The following DLEC1 variants were observed in gnomAD, a reference collection of about 807,000 sequenced individuals.
The protein encoded by DLEC1 is deleted in lung and esophageal cancer protein 1.
Under a neutral mutation model 198.1 loss-of-function variants are expected in DLEC1, and 146 were observed. That is an observed-to-expected ratio of 0.74 (90% CI 0.64 to 0.85). The LOEUF (loss-of-function observed/expected upper bound fraction) is 0.85, where lower values mean the gene tolerates loss of function less well. Among genes scored for constraint, DLEC1 ranks in the 40% least tolerant of loss-of-function variants. The probability of loss-of-function intolerance (pLI) is 0.00; values close to 1 mark genes in which losing one functional copy is unlikely to be tolerated. For synonymous variants in DLEC1, 897 were observed against 866.8 expected, an observed-to-expected ratio of 1.03 and a Z score of -0.61; for missense variants, 2,233 against 2,220.0, an observed-to-expected ratio of 1.01 and a Z score of -0.12.
chr3:38,066,972 CAGTT>C (rs1296735847), intron 6 of DLEC1, among the ~76,000 whole-genome samples: 1 of 152,162 alleles, frequency 6.6e-6, no homozygotes, highest in East Asian at 1.9e-4. Context: ...AAAATCATGT[CAGTT>C]AGGGAATAGA....
intron 6 of DLEC1, among the ~76,000 whole-genome samples, chr3:38,082,400 C>T (rs544944492): frequency 9.8e-4 from 148 of 150,836 alleles, no homozygotes; most frequent in African/African-American, 3.3e-3. Context: ...GGGTGGCGGC[C>T]GGGCAGAGGC....
intron 6 of DLEC1, among the ~76,000 whole-genome samples, chr3:38,080,591 G>C (rs1490941100): frequency 3.9e-5 from 6 of 152,106 alleles, no homozygotes; most frequent in Non-Finnish European, 7.3e-5. Context: ...TGGAACTACT[G>C]TCGAGTTTGT....
rs1700553091 is a variant in DLEC1, at chr3:38,122,667, G to A, written c.*255G>A. On this transcript the variant is annotated 3_prime_UTR_variant, in exon 37 of 37. Coordinates refer to ENST00000308059, the MANE Select transcript of DLEC1 (RefSeq NM_007335.4). ...AGATCACTACTCAGTGCATAGCGAAGACCAGTATGGCAAAATTAGTCTTGG... is the reference window on the plus strand; with the variant it reads ...AGATCACTACTCAGTGCATAGCGAAAACCAGTATGGCAAAATTAGTCTTGG... The A allele has an allele frequency of 6.9e-7, 1 of 1,440,114 alleles. No homozygotes were observed. 89.2% of individuals were successfully genotyped at this position (1,440,114 alleles called of 1,614,324 possible). A position where few individuals can be genotyped will look rare whatever the true frequency, so the allele number is the denominator to read the frequency against.
intron 15 of DLEC1, 105 bp from the exon 16 acceptor site, chr3:38,097,077 G>A: frequency 8.9e-7 from 1 of 1,127,966 alleles, no homozygotes; most frequent in Admixed American, 2.4e-5. Flanking sequence ...GCCGGGAAGT[G>A]TCATATGGAC....
intron 19 of DLEC1, among the ~76,000 whole-genome samples, chr3:38,104,469 C>T (rs936794080): frequency 6.6e-6 from 1 of 151,874 alleles, no homozygotes; most frequent in African/African-American, 2.4e-5. Flanking sequence ...CCACCCCATC[C>T]CCCCAAAAAA....
rs1295528260 is a variant in DLEC1, at chr3:38,045,575, G to A, written c.444G>A (p.Glu148=). ...AGCTCTATAAGCAGCGGCTGGATGA[G>A]TTTGAAATGTTGGAGAGACATATCA... The part of the protein sequence containing the change: ...IRELYKQRLD[E]FEMLERHITQ... The change falls in exon 2 of 37, where the codon GAG becomes GAA. Residue 148 remains glutamate, a synonymous_variant. Coordinates refer to ENST00000308059, the MANE Select transcript of DLEC1 (RefSeq NM_007335.4). 2 of 1,613,934 alleles carry A rather than the reference G, an allele frequency of 1.2e-6. No individual in the cohort carries two copies. Among genetic ancestry groups the A allele is most frequent in the East Asian group, 4.5e-5 (2 of 44,882 alleles).
intron 2 of DLEC1, among the ~76,000 whole-genome samples, chr3:38,054,850 G>A (rs975410033): frequency 8.5e-5 from 13 of 152,170 alleles, no homozygotes; most frequent in Admixed American, 3.9e-4. Flanking sequence ...GCCACCACGA[G>A]TAAGTCAGCA....
intron 25 of DLEC1, among the ~76,000 whole-genome samples, chr3:38,113,407 T>A (rs1174223295): frequency 6.6e-6 from 1 of 152,152 alleles, no homozygotes; most frequent in Non-Finnish European, 1.5e-5. Flanking sequence ...TCCTATATTG[T>A]TCGCTGGGTG....
At position 38,085,568 on chromosome 3, in the gene DLEC1, G is replaced by A. The variant is rs60785639; in HGVS notation, c.1435+121G>A. On this transcript the variant is annotated intron_variant, in intron 8 of 36. Transcript: ENST00000308059. ...AGCTTGGCTCTCTTGGGCAGGGGCC[G>A]TGGGTCCTGCAGAGGAAACTGCTAG... 1,221 of 1,211,054 alleles carry A rather than the reference G, an allele frequency of 1.0e-3. 9 individuals are homozygous for A. The African/African-American group carries it at 0.015, about 15-fold the overall frequency. The allele number at this position is 1,211,054 out of a possible 1,614,324, so 75.0% of individuals were successfully genotyped here. A position where few individuals can be genotyped will look rare whatever the true frequency, so the allele number is the denominator to read the frequency against.
chr3:38,117,305 G>A lies in DLEC1; in HGVS notation c.4400+3G>A. On this transcript the variant is annotated splice_donor_region_variant and intron_variant, in intron 31 of 36. Transcript: ENST00000308059. ...CATAGCTACGTGAGGCCTGCACAGT[G>A]AGTCAGCTGGGGTGCCCCATCTCCT... 6.2e-7 allele frequency: 1 copy of A among 1,613,874 alleles called. No homozygotes were observed. Among genetic ancestry groups the A allele is most frequent in the Non-Finnish European group, 8.5e-7 (1 of 1,179,866 alleles).
At chr3:38,051,434 T>C (rs1200170791) in intron 2 of DLEC1, among the ~76,000 whole-genome samples, 1 of 152,118 alleles carries the variant, frequency 6.6e-6, no homozygotes, top group Non-Finnish European at 1.5e-5. Flanking sequence ...TGAGTTCCAG[T>C]GGTGCTTCTC....
intron 33 of DLEC1, among the ~76,000 whole-genome samples, chr3:38,119,396 C>A (rs747540120): frequency 6.6e-6 from 1 of 152,116 alleles, no homozygotes; most frequent in Non-Finnish European, 1.5e-5. Flanking sequence ...AGCTCTGGCA[C>A]CCCTTGTCCT....
rs749941183 is a variant in DLEC1, at chr3:38,062,408, CAG to C, written c.873+45_873+46del. 1.1e-4 allele frequency: 182 copies of C among 1,611,428 alleles called. No homozygotes were observed. The East Asian group carries it at 1.2e-3, about 10-fold the overall frequency. On this transcript the variant is annotated intron_variant, in intron 4 of 36. Coordinates refer to ENST00000308059, the MANE Select transcript of DLEC1 (RefSeq NM_007335.4). ...CTGTGCAGAGCAGTGTTTGGGGGGA[CAG>C]AGAGGCAGTGAAGGGGAAGGCATTC...
At chr3:38,110,755 G>A (rs1306769031) in intron 23 of DLEC1, among the ~76,000 whole-genome samples, 2 of 151,596 alleles carry the variant, frequency 1.3e-5, no homozygotes, top group Non-Finnish European at 2.9e-5. Flanking sequence ...GCAAGATCTA[G>A]AGTGCTGCTT....
intron 10 of DLEC1, among the ~76,000 whole-genome samples, chr3:38,090,249 G>A (rs896593274): frequency 1.1e-4 from 16 of 152,306 alleles, no homozygotes; most frequent in African/African-American, 3.8e-4. Context: ...GGTAAACAGT[G>A]AAATGCTCCC....
intron 19 of DLEC1, among the ~76,000 whole-genome samples, chr3:38,105,315 A>G (rs1699514441): frequency 6.6e-6 from 1 of 152,052 alleles, no homozygotes. Flanking sequence ...TAAATCTTCT[A>G]TTTCAATGTT....
intron 35 of DLEC1, 145 bp downstream of exon 35, chr3:38,121,926 C>T (rs1455048354): frequency 3.0e-5 from 45 of 1,505,486 alleles, no homozygotes; most frequent in Non-Finnish European, 3.5e-5. Flanking sequence ...AGCAGCCAGT[C>T]CCCCAATCCC....
rs751687240 is a variant in DLEC1 at position 38,117,031 on chromosome 3, C to T, written c.4236C>T (p.Leu1412=). The change falls in exon 30 of 37, where the codon CTC becomes CTT. Residue 1412 remains leucine, a synonymous_variant. Transcript: ENST00000308059. ...ACATCTCCTTCACCCCTATGGTGCT[C>T]AGCCCTGAGATCCTGCACAAGGTGG... is the stretch of plus-strand genomic sequence containing the variant. ...TIYISFTPMV[L]SPEILHKVEC... The T allele has an allele frequency of 9.9e-6, 16 of 1,613,946 alleles. No individual in the cohort carries two copies. Among genetic ancestry groups the T allele is most frequent in the Admixed American group, 3.3e-5 (2 of 59,988 alleles).
intron 9 of DLEC1, among the ~76,000 whole-genome samples, chr3:38,087,374 G>C (rs1416433762): frequency 9.9e-6 from 1 of 100,564 alleles, no homozygotes; most frequent in Non-Finnish European, 2.2e-5. Flanking sequence ...CATCAGCACT[G>C]ACACCATCCA....
Sources: allele counts gnomAD v4.1 joint callset (sites outside exome capture counted in the v4.1 genomes callset), GRCh38; gene constraint gnomAD v4.1.1; transcripts MANE v1.5; gene names NCBI Gene and HGNC (gene_info 2026-07-23, HGNC 2026-07-21).